Variants in MON2 observed in about 807,000 individuals in gnomAD.
MON2 encodes MON2 regulator of endosome-to-Golgi trafficking.
In MON2, 84 loss-of-function variants were observed where a neutral mutation model predicts 208.6. That is an observed-to-expected ratio of 0.40 (90% CI 0.34 to 0.48). The LOEUF (loss-of-function observed/expected upper bound fraction) is 0.48, where lower values mean the gene tolerates loss of function less well. Among genes scored for constraint, MON2 ranks in the 20% least tolerant of loss-of-function variants. The probability of loss-of-function intolerance (pLI) is 0.59; values close to 1 mark genes in which losing one functional copy is unlikely to be tolerated. For synonymous variants in MON2, 660 were observed against 694.0 expected (o/e 0.95, Z 0.77); for missense variants, 1,611 against 2,015.4 (o/e 0.80, Z 3.84).
chr12:62,467,168 G>T lies in MON2; in HGVS notation c.-40G>T. 1 of 1,575,660 alleles carries T rather than the reference G, an allele frequency of 6.3e-7. No individual in the cohort carries two copies. On this transcript the variant is annotated 5_prime_UTR_variant, in exon 1 of 35. Coordinates refer to ENST00000393630, the MANE Select transcript of MON2 (RefSeq NM_015026.3). ...TAAGGAGCTGACCGTGCCAGAGCTT[G>T]TTTGTACCTCTCGGAAATTGGCTGG...
intron 19 of MON2, among the ~76,000 whole-genome samples, chr12:62,541,520 A>C (rs1045106198): frequency 2.0e-5 from 3 of 152,194 alleles, no homozygotes; most frequent in Non-Finnish European, 4.4e-5. Flanking sequence ...CCAAGCACTA[A>C]CTTATTTTAT....
intron 1 of MON2, among the ~76,000 whole-genome samples, chr12:62,479,364 A>C (rs576424907): frequency 6.6e-6 from 1 of 152,060 alleles, no homozygotes; most frequent in African/African-American, 2.4e-5. Context: ...ATAATACCTA[A>C]TACAGTGTAA....
At chr12:62,523,174 A>T (rs1382119323) in intron 8 of MON2, among the ~76,000 whole-genome samples, 1 of 152,188 alleles carries the variant, frequency 6.6e-6, no homozygotes, top group African/African-American at 2.4e-5. Flanking sequence ...CCAATGAGTC[A>T]CTAGCATGGG....
intron 34 of MON2, among the ~76,000 whole-genome samples, chr12:62,589,376 A>G (rs1427752442): frequency 2.6e-5 from 4 of 152,252 alleles, no homozygotes; most frequent in Non-Finnish European, 5.9e-5. Flanking sequence ...GTAAATTACT[A>G]ATGAATGAGT....
At chr12:62,501,497 TAAAGA>T in intron 6 of MON2, 71 bp from the exon 7 acceptor site, 3 of 1,529,364 alleles carry the variant, frequency 2.0e-6, no homozygotes, top group Admixed American at 2.0e-5. Context: ...AGATTTTTTT[TAAAGA>T]TTTATGAACT....
chr12:62,484,437 T>C (rs930875460), intron 2 of MON2, among the ~76,000 whole-genome samples: 3 of 152,232 alleles, frequency 2.0e-5, no homozygotes, highest in African/African-American at 7.2e-5. Context: ...ACAAAAATTC[T>C]CTGAAATCAG....
chr12:62,479,426 G>GTA (rs2069269569), intron 1 of MON2, among the ~76,000 whole-genome samples: 1 of 70,406 alleles, frequency 1.4e-5, no homozygotes, highest in African/African-American at 6.7e-5. Flanking sequence ...GTGTGTGTGT[G>GTA]TATATCCCCC....
At chr12:62,511,435 A>G (rs2071393126) in intron 8 of MON2, among the ~76,000 whole-genome samples, 1 of 152,192 alleles carries the variant, frequency 6.6e-6, no homozygotes, top group Non-Finnish European at 1.5e-5. Context: ...ATGGAACAGA[A>G]TGGAGAGCCC....
In MON2 at chr12:62,480,226, C is replaced by T. The variant is rs2069333287; in HGVS notation, c.112-3944C>T. ...TTCCTTGAATTTAGGAATGAAAATA[C>T]TGGTTACGTATCTTTTAAAATACCA... On this transcript the variant is annotated intron_variant, in intron 1 of 34. Coordinates refer to ENST00000393630, the MANE Select transcript of MON2 (RefSeq NM_015026.3). 2.6e-5 allele frequency among the ~76,000 whole-genome samples: 4 copies of T among 152,278 alleles called. No homozygotes were observed. The South Asian group carries it at 8.3e-4, about 32-fold the overall frequency.
At chr12:62,565,793 G>A (rs1324103067) in intron 27 of MON2, among the ~76,000 whole-genome samples, 3 of 152,150 alleles carry the variant, frequency 2.0e-5, no homozygotes, top group African/African-American at 7.2e-5. Context: ...ATAAGAAGTT[G>A]TACACTACTG....
chr12:62,545,066 A>T, intron 21 of MON2, 58 bp downstream of exon 21: 2 of 1,134,672 alleles, frequency 1.8e-6, no homozygotes, highest in Non-Finnish European at 2.5e-6. Context: ...CCTCCTCCAT[A>T]TGTGATTTTT....
chr12:62,560,460 A>T (rs373752538), intron 25 of MON2, 31 bp from the exon 26 acceptor site: 5 of 1,552,688 alleles, frequency 3.2e-6, no homozygotes, highest in African/African-American at 1.4e-5. Context: ...CGCTTTTATG[A>T]TAATAGTTTT....
chr12:62,503,043 T>C (rs771742745), intron 7 of MON2, among the ~76,000 whole-genome samples: 6 of 152,180 alleles, frequency 3.9e-5, no homozygotes, highest in Non-Finnish European at 7.3e-5. Context: ...AGTATTTAGG[T>C]ATAATTTGTC....
chr12:62,489,097 GTATT>G (rs1462823352), intron 2 of MON2, among the ~76,000 whole-genome samples: 1 of 152,080 alleles, frequency 6.6e-6, no homozygotes, highest in Non-Finnish European at 1.5e-5. Flanking sequence ...GCATGTTTCA[GTATT>G]TAGAATTATT....
rs766382860 is a variant in MON2 at position 62,467,232 on chromosome 12, G to C, written c.25G>C (p.Ala9Pro). The part of the protein sequence containing the change: MSGTSSPE[A>P]VKKLLENMQS... ...CATGTCCGGCACCAGCAGCCCCGAG[G>C]CGGTGAAGAAGCTGCTGGAGAATAT... is the stretch of plus-strand genomic sequence containing the variant. Residue 9 changes from alanine to proline, a missense_variant, in exon 1 of 35, where the codon GCG (alanine) becomes CCG (proline). By Grantham distance (27) the Ala-to-Pro change is conservative. Coordinates refer to ENST00000393630, the MANE Select transcript of MON2 (RefSeq NM_015026.3). 6.2e-7 allele frequency: 1 copy of C among 1,613,622 alleles called. No individual in the cohort carries two copies. The highest frequency in any genetic ancestry group is 1.1e-5 in the South Asian group (1 of 91,084).
intron 4 of MON2, among the ~76,000 whole-genome samples, chr12:62,497,056 A>G (rs988705773): frequency 1.4e-5 from 2 of 142,866 alleles, no homozygotes; most frequent in Admixed American, 1.4e-4. Context: ...CTATCGCAAG[A>G]ACAAAAAACC....
rs758127224 is a variant in MON2 at position 62,525,137 on chromosome 12, A to G, written c.1163A>G (p.Asp388Gly). The G allele has an allele frequency of 1.6e-5, 25 of 1,611,786 alleles. No homozygotes were observed. The East Asian group carries it at 5.4e-4, about 35-fold the overall frequency. Residue 388 changes from aspartate (D) to glycine (G), a missense_variant, in exon 10 of 35, where the codon GAT becomes GGT. Physicochemically the swap from Asp to Gly is moderately conservative, Grantham distance 94. Transcript: ENST00000393630. Reference sequence around the variant, plus strand: ...CAGCATTCTACCAAGGTTTTTCGTGATATTGTAAATGCACTGGGATCTTTT... The same window carrying G: ...CAGCATTCTACCAAGGTTTTTCGTGGTATTGTAAATGCACTGGGATCTTTT... ...MKQHSTKVFR[D>G]IVNALGSFIQ...
chr12:62,473,186 G>A (rs1169839718), intron 1 of MON2, among the ~76,000 whole-genome samples: 1 of 152,178 alleles, frequency 6.6e-6, no homozygotes, highest in Non-Finnish European at 1.5e-5. Context: ...ATAAAATGTT[G>A]CCTTCCCACT....
intron 5 of MON2, among the ~76,000 whole-genome samples, chr12:62,500,571 C>G (rs2070770962): frequency 6.6e-6 from 1 of 152,012 alleles, no homozygotes; most frequent in African/African-American, 2.4e-5. Context: ...TGTAAGGTAG[C>G]AAAGAGTGAT....
Sources: gnomAD v4.1 joint callset for allele counts (sites outside exome capture counted in the v4.1 genomes callset) on GRCh38, gnomAD v4.1.1 for gene constraint, MANE v1.5 for transcripts, NCBI Gene and HGNC (gene_info 2026-07-23, HGNC 2026-07-21) for gene names.